The following TCF4 variants were observed in gnomAD, a reference collection of about 807,000 sequenced individuals.
TCF4 encodes the protein transcription factor 4.
A neutral mutation model predicts 82.1 loss-of-function variants in TCF4; 3 were observed. The observed-to-expected ratio is 0.04, with a 90% CI of 0.02 to 0.09. The LOEUF is 0.09. Among genes scored for constraint, TCF4 ranks in the 10% least tolerant of loss-of-function variants. The pLI is 1.00. For synonymous variants in TCF4, 276 were observed against 309.6 expected (o/e 0.89, Z 1.14); for missense variants, 518 against 852.7 (o/e 0.61, Z 4.89).
rs146214155 is a variant in TCF4, at chr18:55,256,116, G to A, written c.1146+1199C>T. 4.0e-4 allele frequency among the ~76,000 whole-genome samples: 61 copies of A among 152,272 alleles called. No homozygotes were observed. The East Asian group carries it at 7.7e-3, about 19-fold the overall frequency. On this transcript the variant is annotated intron_variant, in intron 14 of 19. Coordinates refer to ENST00000354452, the MANE Select transcript of TCF4 (RefSeq NM_001083962.2). The stretch of plus-strand genomic sequence containing the variant: ...TGATAATACATACTTACTTCTGAGT[G>A]TAAATGTATGCAGGAAAAGAAATCA...
chr18:55,439,757 C>T lies in TCF4; in HGVS notation c.304+21262G>A, dbSNP rs901779548. On this transcript the variant is annotated intron_variant, in intron 5 of 19. Coordinates refer to ENST00000354452, the MANE Select transcript of TCF4 (RefSeq NM_001083962.2). The stretch of plus-strand genomic sequence containing the variant: ...TTCTTTTTTGAGACGGAGTCTCACT[C>T]TGTCACCGAGGCAAGAGTATAACGG... Among the ~76,000 whole-genome samples, 22 of 152,374 alleles carry T rather than the reference C, an allele frequency of 1.4e-4. No individual in the cohort carries two copies. In the South Asian group the frequency reaches 4.1e-3, roughly 29 times the overall value.
At chr18:55,363,058 CAA>C (rs1423204279) in intron 6 of TCF4, among the ~76,000 whole-genome samples, 1 of 151,648 alleles carries the variant, frequency 6.6e-6, no homozygotes, top group East Asian at 1.9e-4. Flanking sequence ...AAACAAATTC[CAA>C]AGAGAGAAAA....
At chr18:55,502,016 C>A (rs928048071) in intron 3 of TCF4, among the ~76,000 whole-genome samples, 2 of 152,150 alleles carry the variant, frequency 1.3e-5, no homozygotes, top group Non-Finnish European at 2.9e-5. Context: ...AATATTTGTT[C>A]TAAATTAATT....
At chr18:55,285,148 G>T (rs143328328) in intron 8 of TCF4, among the ~76,000 whole-genome samples, 1 of 152,300 alleles carries the variant, frequency 6.6e-6, no homozygotes, top group East Asian at 1.9e-4. Flanking sequence ...AATCCATAAA[G>T]CAAGGAGAAG....
intron 9 of TCF4, among the ~76,000 whole-genome samples, chr18:55,278,721 A>C (rs939209063): frequency 6.6e-6 from 1 of 152,132 alleles, no homozygotes; most frequent in Non-Finnish European, 1.5e-5. Flanking sequence ...GGTGCCCACC[A>C]CCACGCCTGG....
chr18:55,431,265 G>A (rs1202915428), intron 5 of TCF4, among the ~76,000 whole-genome samples: 2 of 152,192 alleles, frequency 1.3e-5, no homozygotes, highest in South Asian at 2.1e-4. Context: ...ACATCCCTTT[G>A]ATTCCACCTT....
intron 3 of TCF4, among the ~76,000 whole-genome samples, chr18:55,570,564 G>A (rs781348947): frequency 2.0e-5 from 3 of 151,996 alleles, no homozygotes; most frequent in Non-Finnish European, 2.9e-5. Flanking sequence ...TTGTTTAACC[G>A]AATTATCAAG....
chr18:55,559,751 A>G (rs1603623063), intron 3 of TCF4, among the ~76,000 whole-genome samples: 1 of 152,282 alleles, frequency 6.6e-6, no homozygotes, highest in East Asian at 1.9e-4. Flanking sequence ...TAAAATTAAT[A>G]ATTAAATAAA....
At chr18:55,531,406 T>C (rs2146726564) in intron 3 of TCF4, among the ~76,000 whole-genome samples, 1 of 152,196 alleles carries the variant, frequency 6.6e-6, no homozygotes, top group East Asian at 1.9e-4. Flanking sequence ...GATCGCTAAG[T>C]AGAGAATGGG....
chr18:55,401,013 T>C (rs2093783733), intron 6 of TCF4: 1 of 1,289,054 alleles, frequency 7.8e-7, no homozygotes, highest in Non-Finnish European at 1.0e-6. Flanking sequence ...TGTCACACAG[T>C]GGGGAATCAT....
chr18:55,561,737 C>T (rs920266396), intron 3 of TCF4, among the ~76,000 whole-genome samples: 2 of 152,090 alleles, frequency 1.3e-5, no homozygotes, highest in African/African-American at 4.8e-5. Context: ...ATGCTCACTC[C>T]AGTATATTAA....
rs1273579714 is a variant in TCF4, at chr18:55,547,980, C to T, written c.145+37300G>A. Among the ~76,000 whole-genome samples, 3 of 151,996 alleles carry T rather than the reference C, an allele frequency of 2.0e-5. No individual in the cohort carries two copies. In the East Asian group the frequency reaches 5.8e-4, roughly 29 times the overall value. On this transcript the variant is annotated intron_variant, in intron 3 of 19. Coordinates refer to ENST00000354452, the MANE Select transcript of TCF4 (RefSeq NM_001083962.2). ...AAGAAGTTTTGTGACCTCACCAACCCCATCCTCCCCATTTCAAGAACGCAG... is the reference window on the plus strand; with the variant it reads ...AAGAAGTTTTGTGACCTCACCAACCTCATCCTCCCCATTTCAAGAACGCAG...
chr18:55,261,445 C>A, intron 12 of TCF4, 21 bp downstream of exon 12: 1 of 1,613,620 alleles, frequency 6.2e-7, no homozygotes, highest in Non-Finnish European at 8.5e-7. Flanking sequence ...CATATGGAGT[C>A]CAAAGTCAAT....
chr18:55,294,026 G>A (rs777199340), intron 8 of TCF4, among the ~76,000 whole-genome samples: 1 of 139,692 alleles, frequency 7.2e-6, no homozygotes, highest in South Asian at 2.3e-4. Flanking sequence ...TTGGGAGGCC[G>A]AGGTGGGCGG....
rs1479596578 is a variant in TCF4, at chr18:55,486,810, C to G, written c.146-22673G>C. 5.3e-5 allele frequency among the ~76,000 whole-genome samples: 8 copies of G among 152,144 alleles called. No homozygotes were observed. In the South Asian group the frequency reaches 8.3e-4, roughly 16 times the overall value. On this transcript the variant is annotated intron_variant, in intron 3 of 19. Transcript: ENST00000354452. ...ACAAAGTCATGAAAGGTAAGAAGAT[C>G]TGGGACTTCTCCATAGAAATGCTTC... is the stretch of plus-strand genomic sequence containing the variant.
intron 6 of TCF4, among the ~76,000 whole-genome samples, chr18:55,398,510 C>T (rs576941639): frequency 2.6e-5 from 4 of 152,244 alleles, no homozygotes; most frequent in East Asian, 3.9e-4. Context: ...GTGAATGAGA[C>T]GATTCAACCC....
intron 3 of TCF4, among the ~76,000 whole-genome samples, chr18:55,503,507 C>T (rs574237045): frequency 1.3e-5 from 2 of 152,260 alleles, no homozygotes; most frequent in Non-Finnish European, 2.9e-5. Flanking sequence ...AAACTGAGCC[C>T]AAGAGGGTAA....
intron 5 of TCF4, among the ~76,000 whole-genome samples, chr18:55,414,699 ACT>A (rs1187452772): frequency 6.6e-6 from 1 of 151,978 alleles, no homozygotes; most frequent in Non-Finnish European, 1.5e-5. Context: ...AGAGGCTGAC[ACT>A]CTTCCTCTGT....
chr18:55,341,581 A>C (rs922286615), intron 8 of TCF4, among the ~76,000 whole-genome samples: 3 of 152,206 alleles, frequency 2.0e-5, no homozygotes, highest in Non-Finnish European at 4.4e-5. Flanking sequence ...GTTATACTTG[A>C]AAGGTCTTTT....
Sources: gnomAD v4.1 joint callset for allele counts (sites outside exome capture counted in the v4.1 genomes callset) on GRCh38, gnomAD v4.1.1 for gene constraint, MANE v1.5 for transcripts, NCBI Gene and HGNC (gene_info 2026-07-23, HGNC 2026-07-21) for gene names.